AATF: variants seen among roughly 807,000 people sequenced by gnomAD.
AATF encodes apoptosis antagonizing transcription factor.
In AATF, 48 loss-of-function variants were observed where a neutral mutation model predicts 63.7. The ratio of observed to expected loss-of-function variants is 0.75; its 90% confidence interval spans 0.60 to 0.96. The LOEUF (loss-of-function observed/expected upper bound fraction) is 0.96. AATF is among the 40% of genes least tolerant of loss of function. AATF has a pLI of 0.00. For missense variants in AATF, 639 were observed against 685.7 expected, an observed-to-expected ratio of 0.93 and a Z score of 0.76; for synonymous variants, 258 against 247.7, an observed-to-expected ratio of 1.04 and a Z score of -0.39.
At chr17:37,006,690 A>G (rs2142270617) in intron 8 of AATF, among the ~76,000 whole-genome samples, 1 of 152,358 alleles carries the variant, frequency 6.6e-6, no homozygotes, top group East Asian at 1.9e-4. Context: ...ATGGAAATAT[A>G]TGGGGTCTGA....
intron 11 of AATF, among the ~76,000 whole-genome samples, chr17:37,047,693 A>T (rs1004140790): frequency 1.3e-5 from 2 of 152,264 alleles, no homozygotes; most frequent in African/African-American, 2.4e-5. Context: ...TGACCTGACC[A>T]AAAGAACGAA....
At chr17:36,970,249 T>C (rs2071028318) in intron 4 of AATF, among the ~76,000 whole-genome samples, 1 of 152,228 alleles carries the variant, frequency 6.6e-6, no homozygotes, top group African/African-American at 2.4e-5. Context: ...GTATGAGATT[T>C]CTAGTTGCTC....
At chr17:36,973,668 G>A (rs574184238) in intron 4 of AATF, among the ~76,000 whole-genome samples, 16 of 152,304 alleles carry the variant, frequency 1.1e-4, no homozygotes, top group African/African-American at 2.9e-4. Flanking sequence ...AGCTGATCTA[G>A]TTCCTTCTCC....
rs548419081 is a variant in AATF at position 36,992,216 on chromosome 17, A to G, written c.1398+1359A>G. Among the ~76,000 whole-genome samples the G allele has an allele frequency of 3.9e-5, 6 of 152,332 alleles. No homozygotes were observed. The East Asian group carries it at 9.6e-4, about 24-fold the overall frequency. The stretch of plus-strand genomic sequence containing the variant: ...CCCTAAAAAGAGAAAGAGACTTTCT[A>G]TTAATTTTTTTTATTCATTCTATAA... On this transcript the variant is annotated intron_variant, in intron 8 of 11. Coordinates refer to ENST00000619387, the MANE Select transcript of AATF (RefSeq NM_012138.4).
intron 11 of AATF, among the ~76,000 whole-genome samples, chr17:37,053,756 C>A (rs2142332849): frequency 6.6e-6 from 1 of 152,234 alleles, no homozygotes; most frequent in African/African-American, 2.4e-5. Flanking sequence ...GTCCCAATTA[C>A]TTGGAAGGCT....
At chr17:36,968,697 C>G (rs1320605270) in intron 4 of AATF, among the ~76,000 whole-genome samples, 1 of 152,038 alleles carries the variant, frequency 6.6e-6, no homozygotes, top group Non-Finnish European at 1.5e-5. Context: ...TCATAGCTCA[C>G]TGCAGCCTCA....
chr17:37,026,759 G>A (rs1247210057), intron 10 of AATF, among the ~76,000 whole-genome samples: 1 of 152,112 alleles, frequency 6.6e-6, no homozygotes, highest in Admixed American at 6.6e-5. Flanking sequence ...TCTAATCTCT[G>A]GATCTTGAGT....
intron 11 of AATF, among the ~76,000 whole-genome samples, chr17:37,032,100 G>A (rs900522039): frequency 6.6e-6 from 1 of 152,086 alleles, no homozygotes; most frequent in Admixed American, 6.6e-5. Context: ...TACAAAAGAT[G>A]TATATGCTTA....
chr17:37,051,693 GACAGACACACAC>G (rs1384541015), intron 11 of AATF, among the ~76,000 whole-genome samples: 1 of 141,038 alleles, frequency 7.1e-6, no homozygotes, highest in African/African-American at 2.7e-5. Context: ...CAGACAGACA[GACAGACACACAC>G]ACACACACAC....
At chr17:37,034,929 T>G (rs1655336547) in intron 11 of AATF, 1 of 151,696 alleles carries the variant, frequency 6.6e-6, no homozygotes, top group African/African-American at 2.4e-5. Flanking sequence ...ATCAAGACCA[T>G]CCTGGCTAAC....
At position 37,028,707 on chromosome 17, in the gene AATF, A is replaced by C. The variant is rs558695456; in HGVS notation, c.1548-2907A>C. Among the ~76,000 whole-genome samples the C allele has an allele frequency of 1.1e-4, 16 of 152,162 alleles. No individual in the cohort carries two copies. In the East Asian group the frequency reaches 3.1e-3, roughly 29 times the overall value. Reference sequence around the variant, plus strand: ...AGGCTGAGGTGAGAGGATGGCCTGAACCTGCGAGTCAGAGGTTGCAGTGAG... The same window carrying C: ...AGGCTGAGGTGAGAGGATGGCCTGACCCTGCGAGTCAGAGGTTGCAGTGAG... On this transcript the variant is annotated intron_variant, in intron 10 of 11. Transcript: ENST00000619387.
chr17:36,981,702 C>CTTTTTTTTTTTTTTTTTTTTTCTTTTTTT (rs71368433), intron 4 of AATF, among the ~76,000 whole-genome samples: 1 of 110,480 alleles, frequency 9.1e-6, no homozygotes, highest in African/African-American at 3.5e-5. Flanking sequence ...TCTTTCTTTT[C>CTTTTTTTTTTTTTTTTTTTTTCTTTTTTT]TTTTTTTTTT....
At position 37,047,484 on chromosome 17, in the gene AATF, G is replaced by A. The variant is rs532947471; in HGVS notation, c.1620-9117G>A. ...CCTGTCCACGTGCAGTCCCCTTCTCGCCCCCATCCCTCTCCCCTCTCCTCC... is the reference window on the plus strand; with the variant it reads ...CCTGTCCACGTGCAGTCCCCTTCTCACCCCCATCCCTCTCCCCTCTCCTCC... On this transcript the variant is annotated intron_variant, in intron 11 of 11. Transcript: ENST00000619387. Among the ~76,000 whole-genome samples, 23 of 152,120 alleles carry A rather than the reference G, an allele frequency of 1.5e-4. No individual in the cohort carries two copies. In the East Asian group the frequency reaches 2.1e-3, roughly 14 times the overall value.
intron 8 of AATF, among the ~76,000 whole-genome samples, chr17:36,993,312 C>T (rs571574111): frequency 6.6e-6 from 1 of 152,286 alleles, no homozygotes; most frequent in Non-Finnish European, 1.5e-5. Flanking sequence ...TTTCCTCCCC[C>T]TCCCAAATAT....
In AATF at chr17:37,056,796, G is replaced by C. The variant is rs2071802798; in HGVS notation, c.*132G>C. The C allele has an allele frequency of 6.2e-6, 6 of 971,248 alleles. No individual in the cohort carries two copies. The highest frequency in any genetic ancestry group is 9.2e-6 in the Non-Finnish European group (6 of 652,950). The allele number at this position is 971,248 out of a possible 1,614,324, so 60.2% of individuals were successfully genotyped here. A position where few individuals can be genotyped will look rare whatever the true frequency, so the allele number is the denominator to read the frequency against. ...GAAAGATGCTGCGTTCCGAACCTGTGCCTAATACACGCAAGGGCGCTGTCC... is the reference window on the plus strand; with the variant it reads ...GAAAGATGCTGCGTTCCGAACCTGTCCCTAATACACGCAAGGGCGCTGTCC... On this transcript the variant is annotated 3_prime_UTR_variant, in exon 12 of 12. Coordinates refer to ENST00000619387, the MANE Select transcript of AATF (RefSeq NM_012138.4).
intron 10 of AATF, among the ~76,000 whole-genome samples, chr17:37,028,782 TCAA>T (rs1242118368): frequency 6.6e-6 from 1 of 152,080 alleles, no homozygotes; most frequent in African/African-American, 2.4e-5. Flanking sequence ...AGACCCTGTC[TCAA>T]CAACAACAAC....
At chr17:37,013,519 C>T (rs771314836) in intron 8 of AATF, among the ~76,000 whole-genome samples, 17 of 152,134 alleles carry the variant, frequency 1.1e-4, no homozygotes, top group Non-Finnish European at 1.9e-4. Flanking sequence ...GCAGAGATCA[C>T]GTGGCAAGAG....
chr17:37,031,298 A>G (rs1188445985), intron 10 of AATF: 1 of 342,970 alleles, frequency 2.9e-6, no homozygotes, highest in South Asian at 5.0e-5. Context: ...TAAGTAATCT[A>G]GAGATGAATT....
intron 8 of AATF, among the ~76,000 whole-genome samples, chr17:37,000,618 TTG>T (rs1567978728): frequency 6.6e-6 from 1 of 152,134 alleles, no homozygotes; most frequent in African/African-American, 2.4e-5. Context: ...AGGTATAAAT[TTG>T]TGAGCCTTCA....
Sources: gnomAD v4.1 joint callset for allele counts (sites outside exome capture counted in the v4.1 genomes callset) on GRCh38, gnomAD v4.1.1 for gene constraint, MANE v1.5 for transcripts, NCBI Gene and HGNC (gene_info 2026-07-23, HGNC 2026-07-21) for gene names.